Variants in PRKN observed in about 807,000 individuals in gnomAD.
PRKN encodes the protein E3 ubiquitin-protein ligase parkin.
A neutral mutation model predicts 59.5 loss-of-function variants in PRKN; 56 were observed. The ratio of observed to expected loss-of-function variants is 0.94; its 90% confidence interval spans 0.76 to 1.18. The LOEUF (loss-of-function observed/expected upper bound fraction) is 1.18. Ranked by LOEUF, PRKN falls within the 50% of genes most tolerant of loss-of-function variation. The pLI is 0.00. For missense variants in PRKN, 657 were observed against 596.4 expected (o/e 1.10, Z -1.06); for synonymous variants, 250 against 222.1 (o/e 1.13, Z -1.12).
intron 4 of PRKN, among the ~76,000 whole-genome samples, chr6:162,054,603 C>A (rs1241145829): frequency 6.6e-6 from 1 of 152,182 alleles, no homozygotes; most frequent in Non-Finnish European, 1.5e-5. Flanking sequence ...TGTCCCTAGT[C>A]ACCACAGCTA....
In PRKN at chr6:161,447,481, C is replaced by T. The variant is rs893327799; in HGVS notation, c.1084-60604G>A. Among the ~76,000 whole-genome samples, 1 of 152,136 alleles carries T rather than the reference C, an allele frequency of 6.6e-6. No individual in the cohort carries two copies. Among genetic ancestry groups the T allele is most frequent in the African/African-American group, 2.4e-5 (1 of 41,444 alleles). On this transcript the variant is annotated intron_variant, in intron 9 of 11. Coordinates refer to ENST00000366898, the MANE Select transcript of PRKN (RefSeq NM_004562.3). This position sits in a 1 kb window ranked among gnomAD's most constrained non-coding sequence, Gnocchi z 4.1. Reference sequence around the variant, plus strand: ...AGTTGGAGAATAATCTCCCATATTCCTCTGCCATCCTTTCTTTCCTTCCTT... The same window carrying T: ...AGTTGGAGAATAATCTCCCATATTCTTCTGCCATCCTTTCTTTCCTTCCTT...
intron 7 of PRKN, among the ~76,000 whole-genome samples, chr6:161,601,575 A>C (rs1183549458): frequency 6.6e-5 from 10 of 151,548 alleles, no homozygotes; most frequent in Non-Finnish European, 1.3e-4. Context: ...AGAAATGTCT[A>C]ATATAGTGGA....
intron 1 of PRKN, among the ~76,000 whole-genome samples, chr6:162,680,629 A>G (rs1290327701): frequency 1.3e-5 from 2 of 152,188 alleles, no homozygotes; most frequent in Admixed American, 1.3e-4. Flanking sequence ...AATGCAAAAG[A>G]TAAGATCATA....
At chr6:162,606,438 G>C (rs945185812) in intron 1 of PRKN, among the ~76,000 whole-genome samples, 4 of 152,154 alleles carry the variant, frequency 2.6e-5, no homozygotes, top group African/African-American at 9.7e-5. Flanking sequence ...GTGAAAAACA[G>C]GATGGCTGTA....
intron 2 of PRKN, among the ~76,000 whole-genome samples, chr6:162,356,801 G>A (rs1291288942): frequency 7.4e-6 from 1 of 135,120 alleles, no homozygotes; most frequent in Non-Finnish European, 1.6e-5. Flanking sequence ...AATCAATGGA[G>A]ATCCCAGAAA....
At chr6:162,423,811 T>G (rs1488230833) in intron 2 of PRKN, among the ~76,000 whole-genome samples, 2 of 152,138 alleles carry the variant, frequency 1.3e-5, no homozygotes, top group Non-Finnish European at 2.9e-5. Flanking sequence ...CAACAAATAT[T>G]TATCCAGTGC....
At chr6:162,594,074 T>C (rs1252852964) in intron 1 of PRKN, among the ~76,000 whole-genome samples, 1 of 151,812 alleles carries the variant, frequency 6.6e-6, no homozygotes, top group Non-Finnish European at 1.5e-5. Context: ...CACTTGAACC[T>C]AGGAGGTGGA....
rs13437263 is a variant in PRKN at position 161,544,286 on chromosome 6, T to C, written c.1083+4568A>G. On this transcript the variant is annotated intron_variant, in intron 9 of 11. Coordinates refer to ENST00000366898, the MANE Select transcript of PRKN (RefSeq NM_004562.3). The surrounding 1 kb of genome is among the most constrained non-coding windows in gnomAD (Gnocchi z 5.5). ...ACTTTTTGTGGATCCCTGAACATAG[T>C]GTTATTTTGGTTTTCTGAATTATAT... Among the ~76,000 whole-genome samples, 1,182 of 152,294 alleles carry C rather than the reference T, an allele frequency of 7.8e-3. 17 individuals carry two copies. Among genetic ancestry groups the C allele is most frequent in the African/African-American group, 0.027 (1,122 of 41,572 alleles).
intron 7 of PRKN, among the ~76,000 whole-genome samples, chr6:161,574,296 C>G (rs1220831971): frequency 6.6e-6 from 1 of 151,988 alleles, no homozygotes; most frequent in Non-Finnish European, 1.5e-5. Context: ...AAAACGTTAG[C>G]GGAGGGGGCG....
intron 9 of PRKN, among the ~76,000 whole-genome samples, chr6:161,438,215 A>ATTTTTTT (rs34955373): frequency 2.7e-5 from 3 of 112,440 alleles, no homozygotes; most frequent in African/African-American, 3.6e-5. Context: ...AATTCTGTTA[A>ATTTTTTT]TTTTTTTTTT....
intron 1 of PRKN, among the ~76,000 whole-genome samples, chr6:162,463,353 T>C (rs374007193): frequency 5.3e-5 from 8 of 152,132 alleles, no homozygotes; most frequent in Non-Finnish European, 2.9e-5. Flanking sequence ...AACCCAAATC[T>C]TTCTGTTAGG....
intron 4 of PRKN, among the ~76,000 whole-genome samples, chr6:162,130,062 T>C (rs981391626): frequency 9.2e-5 from 14 of 152,080 alleles, no homozygotes; most frequent in African/African-American, 3.1e-4. Context: ...AAAACAGCTC[T>C]CCAACACAAG....
intron 1 of PRKN, among the ~76,000 whole-genome samples, chr6:162,445,295 T>C (rs1790255465): frequency 6.6e-6 from 1 of 152,118 alleles, no homozygotes; most frequent in African/African-American, 2.4e-5. Flanking sequence ...CTAAGGACAT[T>C]AATTACTTTC....
In PRKN at chr6:161,533,955, C is replaced by T. The variant is rs147492215; in HGVS notation, c.1083+14899G>A. On this transcript the variant is annotated intron_variant, in intron 9 of 11. Coordinates refer to ENST00000366898, the MANE Select transcript of PRKN (RefSeq NM_004562.3). This position sits in a 1 kb window ranked among gnomAD's most constrained non-coding sequence, Gnocchi z 4.1. The stretch of plus-strand genomic sequence containing the variant: ...TATATTCACACGACACTCGCCGTCA[C>T]AGTGGTCTCTGTGACTTCAGTGAAC... Among the ~76,000 whole-genome samples the T allele has an allele frequency of 3.4e-4, 52 of 152,280 alleles. No individual in the cohort carries two copies. The highest frequency in any genetic ancestry group is 9.1e-4 in the African/African-American group (38 of 41,556).
At chr6:161,509,816 G>A (rs1446795672) in intron 9 of PRKN, among the ~76,000 whole-genome samples, 1 of 148,058 alleles carries the variant, frequency 6.8e-6, no homozygotes, top group Non-Finnish European at 1.5e-5. Flanking sequence ...GGAGGCAGAG[G>A]TTGCAGTGAG....
In PRKN at chr6:161,385,088, C is replaced by A. The variant is rs918373512; in HGVS notation, c.1167+1706G>T. On this transcript the variant is annotated intron_variant, in intron 10 of 11. Transcript: ENST00000366898. This position sits in a 1 kb window ranked among gnomAD's most constrained non-coding sequence, Gnocchi z 4.9. Reference sequence around the variant, plus strand: ...GGGATTACAGGTGCACGCCACCACACCCAGCTAATTTTTGTATTTTTAGTA... The same window carrying A: ...GGGATTACAGGTGCACGCCACCACAACCAGCTAATTTTTGTATTTTTAGTA... Among the ~76,000 whole-genome samples the A allele has an allele frequency of 6.6e-6, 1 of 152,124 alleles. No individual in the cohort carries two copies. Among genetic ancestry groups the A allele is most frequent in the Non-Finnish European group, 1.5e-5 (1 of 68,038 alleles).
At chr6:161,930,379 T>A (rs962232191) in intron 6 of PRKN, among the ~76,000 whole-genome samples, 7 of 152,216 alleles carry the variant, frequency 4.6e-5, no homozygotes, top group Non-Finnish European at 1.0e-4. Context: ...ATGTATGATG[T>A]GCAGACAAAA....
chr6:161,636,263 G>A (rs1783516357), intron 7 of PRKN, among the ~76,000 whole-genome samples: 1 of 152,260 alleles, frequency 6.6e-6, no homozygotes, highest in Middle Eastern at 3.2e-3. Context: ...CTCTGTGCAG[G>A]ATGTGCATAT....
At chr6:162,172,546 ACTTT>A (rs992402202) in intron 4 of PRKN, among the ~76,000 whole-genome samples, 1 of 152,180 alleles carries the variant, frequency 6.6e-6, no homozygotes, top group African/African-American at 2.4e-5. Flanking sequence ...TCAAGTGATT[ACTTT>A]CTTTATTTCT....
Sources: gnomAD v4.1 joint callset for allele counts (sites outside exome capture counted in the v4.1 genomes callset) on GRCh38, gnomAD v4.1.1 for gene constraint, Gnocchi (gnomAD v3.1) non-coding constraint, MANE v1.5 for transcripts, NCBI Gene and HGNC (gene_info 2026-07-23, HGNC 2026-07-21) for gene names.